The following CPEB3 variants were observed in gnomAD, a reference collection of about 807,000 sequenced individuals.
The protein encoded by CPEB3 is cytoplasmic polyadenylation element binding protein 3.
CPEB3 carries 20 observed loss-of-function variants against 67.2 expected under a neutral mutation model. The ratio of observed to expected loss-of-function variants is 0.30; its 90% CI spans 0.21 to 0.43. CPEB3 has a LOEUF of 0.43. Among genes scored for constraint, CPEB3 ranks in the 20% least tolerant of loss-of-function variants. The pLI is 1.00. For synonymous variants in CPEB3, 376 were observed against 393.1 expected, an observed-to-expected ratio of 0.96 and a Z score of 0.51; for missense variants, 746 against 968.6, an observed-to-expected ratio of 0.77 and a Z score of 3.05.
At chr10:92,167,243 T>C (rs1229620553) in intron 4 of CPEB3, among the ~76,000 whole-genome samples, 1 of 152,208 alleles carries the variant, frequency 6.6e-6, no homozygotes, top group African/African-American at 2.4e-5. Flanking sequence ...AGTGTGTTCA[T>C]TGGAATAACA....
chr10:92,111,079 C>G lies in CPEB3; in HGVS notation c.1569G>C (p.Lys523Asn). 1 of 1,606,578 alleles carries G rather than the reference C, an allele frequency of 6.2e-7. No homozygotes were observed. The highest frequency in any genetic ancestry group is 8.5e-7 in the Non-Finnish European group (1 of 1,173,070). ...CAGCTGGCCATGTATTACTTACTGG[C>G]TTGTCCTTGATGGTGGGGCTTGACA... is the stretch of plus-strand genomic sequence containing the variant. ...LCVSSPTIKD[K>N]PVQIRPWNLS... Residue 523 changes from lysine (K) to asparagine (N), a missense_variant, in exon 7 of 10, where the codon AAG becomes AAC. By Grantham distance (94) the Lys-to-Asn change is moderately conservative. Transcript: ENST00000265997.
Position 92,134,794 on chromosome 10 carries a change from T to C in CPEB3, c.1453+8235A>G, listed in dbSNP as rs548696711. On this transcript the variant is annotated intron_variant, in intron 6 of 9. Transcript: ENST00000265997. ...CAAGGCTACAGTAACCAAAACAGCA[T>C]GGTACTGGGACCAAAACAGATATAT... 3.8e-4 allele frequency among the ~76,000 whole-genome samples: 58 copies of C among 152,040 alleles called. 1 individual carries two copies. The highest frequency in any genetic ancestry group is 8.3e-4 in the South Asian group (4 of 4,830).
At chr10:92,262,697 AAAAT>A (rs1319838623) in intron 1 of CPEB3, among the ~76,000 whole-genome samples, 6 of 152,154 alleles carry the variant, frequency 3.9e-5, no homozygotes, top group Admixed American at 3.3e-4. Flanking sequence ...AAATTTTTAA[AAAAT>A]AAATAAATAA....
At chr10:92,280,647 C>A (rs1301096531) in intron 1 of CPEB3, among the ~76,000 whole-genome samples, 1 of 124,328 alleles carries the variant, frequency 8.0e-6, no homozygotes, top group African/African-American at 3.0e-5. Flanking sequence ...TTCAGTGGGC[C>A]GAGAGTGAAA....
At chr10:92,111,917 C>T (rs1844763854) in intron 6 of CPEB3, among the ~76,000 whole-genome samples, 2 of 152,154 alleles carry the variant, frequency 1.3e-5, no homozygotes, top group South Asian at 2.1e-4. Context: ...GTGCTTTTGC[C>T]TGCTATTTCT....
chr10:92,142,526 G>T (rs1472790713), intron 6 of CPEB3, among the ~76,000 whole-genome samples: 2 of 152,170 alleles, frequency 1.3e-5, no homozygotes, highest in African/African-American at 2.4e-5. Flanking sequence ...GTCATATGGA[G>T]TGTCTTTTGC....
At chr10:92,086,176 T>C (rs1843364432) in intron 8 of CPEB3, among the ~76,000 whole-genome samples, 1 of 152,190 alleles carries the variant, frequency 6.6e-6, no homozygotes. Flanking sequence ...TTCTTCTCTT[T>C]GGAAATAAGG....
At chr10:92,256,689 C>T (rs1852531340) in intron 1 of CPEB3, among the ~76,000 whole-genome samples, 1 of 152,152 alleles carries the variant, frequency 6.6e-6, no homozygotes, top group African/African-American at 2.4e-5. Context: ...CCAGCCCAAA[C>T]TTAACTCTTC....
chr10:92,199,915 G>A (rs1590368659), intron 2 of CPEB3, among the ~76,000 whole-genome samples: 2 of 152,146 alleles, frequency 1.3e-5, no homozygotes, highest in South Asian at 2.1e-4. Flanking sequence ...GAGAGAGAGA[G>A]AGAGAGAGAA....
At chr10:92,287,277 C>T (rs1423859247) in intron 1 of CPEB3, among the ~76,000 whole-genome samples, 1 of 151,970 alleles carries the variant, frequency 6.6e-6, no homozygotes, top group Non-Finnish European at 1.5e-5. Context: ...TACAGGTATG[C>T]GCCACTATCA....
chr10:92,211,390 G>C (rs1850075449), intron 2 of CPEB3, among the ~76,000 whole-genome samples: 1 of 152,156 alleles, frequency 6.6e-6, no homozygotes, highest in Admixed American at 6.5e-5. Flanking sequence ...ACAGATTTAT[G>C]CATGAAAGTG....
intron 9 of CPEB3, among the ~76,000 whole-genome samples, chr10:92,067,545 G>A (rs1183777573): frequency 1.3e-5 from 2 of 151,546 alleles, no homozygotes; most frequent in Non-Finnish European, 2.9e-5. Context: ...CAGGCTGGGC[G>A]CAGTGGCGCA....
At chr10:92,217,810 A>C (rs570271266) in intron 2 of CPEB3, among the ~76,000 whole-genome samples, 48 of 152,352 alleles carry the variant, frequency 3.2e-4, no homozygotes, top group African/African-American at 1.1e-3. Flanking sequence ...ACAAATGATT[A>C]TAAATGACCA....
intron 4 of CPEB3, among the ~76,000 whole-genome samples, chr10:92,172,340 A>ATG (rs1264075671): frequency 6.6e-6 from 1 of 152,182 alleles, no homozygotes; most frequent in Admixed American, 6.5e-5. Flanking sequence ...ACAAGAGTGT[A>ATG]TGTGTGTGGA....
rs919529520 is a variant in CPEB3, at chr10:92,195,048, C to A, written c.1006-2412G>T. ...GACAGAGCGAGACTGTCTCAAAAAACACACACACACACACACACACACACA... is the reference window on the plus strand; with the variant it reads ...GACAGAGCGAGACTGTCTCAAAAAAAACACACACACACACACACACACACA... On this transcript the variant is annotated intron_variant, in intron 2 of 9. Coordinates refer to ENST00000265997, the MANE Select transcript of CPEB3 (RefSeq NM_014912.5). 3.8e-3 allele frequency among the ~76,000 whole-genome samples: 500 copies of A among 132,864 alleles called. 4 individuals are homozygous for A. Among genetic ancestry groups the A allele is most frequent in the Middle Eastern group, 0.021 (5 of 236 alleles). 87.2% of individuals were successfully genotyped at this position (132,864 alleles called of 152,430 possible). A position where few individuals can be genotyped will look rare whatever the true frequency, so the allele number is the denominator to read the frequency against.
In CPEB3 at chr10:92,132,113, C is replaced by T. The variant is rs145327394; in HGVS notation, c.1453+10916G>A. Among the ~76,000 whole-genome samples, 177 of 152,238 alleles carry T rather than the reference C, an allele frequency of 1.2e-3. 3 individuals are homozygous for T. Among genetic ancestry groups the T allele is most frequent in the African/African-American group, 3.9e-3 (162 of 41,554 alleles). On this transcript the variant is annotated intron_variant, in intron 6 of 9. Transcript: ENST00000265997. ...CTTTAAAATGCAGTGTATATTTACA[C>T]GTAAAACCATATCTCAAGTCAAACT...
chr10:92,165,403 CTTTTTTTTT>C (rs34205234), intron 4 of CPEB3, among the ~76,000 whole-genome samples: 1 of 121,480 alleles, frequency 8.2e-6, no homozygotes, highest in Non-Finnish European at 1.6e-5. Context: ...CTTTTTTCTT[CTTTTTTTTT>C]TTTTTTTTTG....
chr10:92,075,945 C>T (rs936538971), intron 9 of CPEB3, among the ~76,000 whole-genome samples: 1 of 152,208 alleles, frequency 6.6e-6, no homozygotes, highest in African/African-American at 2.4e-5. Flanking sequence ...ACCTTCCACA[C>T]TGTACACAAG....
At chr10:92,112,213 C>T (rs1220122945) in intron 6 of CPEB3, among the ~76,000 whole-genome samples, 1 of 144,260 alleles carries the variant, frequency 6.9e-6, no homozygotes, top group Non-Finnish European at 1.5e-5. Flanking sequence ...GGTATGATCT[C>T]GGCTCACTGC....
Sources: allele counts gnomAD v4.1 joint callset (sites outside exome capture counted in the v4.1 genomes callset), GRCh38; gene constraint gnomAD v4.1.1; transcripts MANE v1.5; gene names NCBI Gene and HGNC (gene_info 2026-07-23, HGNC 2026-07-21).